RNASEH2B: variants seen among roughly 807,000 people sequenced by gnomAD.
The protein encoded by RNASEH2B is Aicardi-Goutieres syndrome 2 protein.
Under a neutral mutation model 45.0 loss-of-function variants are expected in RNASEH2B, and 36 were observed. The ratio of observed to expected loss-of-function variants is 0.80; its 90% CI spans 0.61 to 1.06. The LOEUF is 1.06. Ranked by LOEUF, RNASEH2B falls within the 50% of genes least tolerant of loss-of-function variation. The pLI is 0.00. For synonymous variants in RNASEH2B, 119 were observed against 125.7 expected (o/e 0.95, Z 0.35); for missense variants, 361 against 360.3 (o/e 1.00, Z -0.02).
At chr13:50,940,696 G>A (rs993410122) in intron 5 of RNASEH2B, 3 of 152,184 alleles carry the variant, frequency 2.0e-5, no homozygotes, top group Non-Finnish European at 2.9e-5. Flanking sequence ...TGGGCCTCCC[G>A]GTTAGTTTGT....
chr13:50,962,791 A>G (rs1438626928), intron 9 of RNASEH2B, among the ~76,000 whole-genome samples: 1 of 152,046 alleles, frequency 6.6e-6, no homozygotes, highest in Non-Finnish European at 1.5e-5. Flanking sequence ...GTTGACTATG[A>G]TGTGTTGATG....
At chr13:50,939,048 A>G (rs1401806149) in intron 5 of RNASEH2B, 1 of 152,250 alleles carries the variant, frequency 6.6e-6, no homozygotes, top group Non-Finnish European at 1.5e-5. Context: ...ATTTCTACAG[A>G]AAGTTTAAAA....
chr13:50,913,564 A>C (rs925062278), intron 1 of RNASEH2B, among the ~76,000 whole-genome samples: 1 of 152,176 alleles, frequency 6.6e-6, no homozygotes, highest in African/African-American at 2.4e-5. Context: ...GGCTGATTAA[A>C]ATATTCCTTA....
intron 5 of RNASEH2B, among the ~76,000 whole-genome samples, chr13:50,939,377 A>G (rs979829376): frequency 6.6e-6 from 1 of 152,042 alleles, no homozygotes; most frequent in Non-Finnish European, 1.5e-5. Context: ...AAAATTAGCC[A>G]GCTGTGGTGG....
intron 5 of RNASEH2B, chr13:50,936,286 CAA>C (rs1468349242): frequency 2.0e-5 from 3 of 152,106 alleles, no homozygotes; most frequent in Non-Finnish European, 2.9e-5. Flanking sequence ...AATATGGAAA[CAA>C]AGTGTGGGAA....
At chr13:50,910,171 G>T (rs1312258734) in intron 1 of RNASEH2B, 31 bp downstream of exon 1, 1 of 1,380,382 alleles carries the variant, frequency 7.2e-7, no homozygotes. Context: ...GGCGGGGTCG[G>T]CCCAAGAACT....
intron 6 of RNASEH2B, 95 bp from the exon 7 acceptor site, chr13:50,945,332 G>T (rs961446009): frequency 3.7e-6 from 3 of 815,486 alleles, no homozygotes; most frequent in Non-Finnish European, 6.5e-6. Context: ...CTTCTTTGCA[G>T]ATCTCTTAAA....
Position 50,930,663 on chromosome 13 carries a change from A to T in RNASEH2B, c.245-20A>T, listed in dbSNP as rs1335370320. On this transcript the variant is annotated intron_variant, in intron 3 of 10. Coordinates refer to ENST00000336617, the MANE Select transcript of RNASEH2B (RefSeq NM_024570.4). The stretch of plus-strand genomic sequence containing the variant: ...CTTTCCAAGACGTTTAATTCCCTTC[A>T]TCCTTTTTGTAATCTGCAGGAGGTC... The T allele has an allele frequency of 6.3e-7, 1 of 1,579,396 alleles. No homozygotes were observed. The highest frequency in any genetic ancestry group is 8.7e-7 in the Non-Finnish European group (1 of 1,148,586).
intron 9 of RNASEH2B, among the ~76,000 whole-genome samples, 167 bp downstream of exon 9, chr13:50,949,672 T>C (rs1009071314): frequency 1.3e-5 from 2 of 152,198 alleles, no homozygotes; most frequent in Non-Finnish European, 2.9e-5. Context: ...CACTATTTTT[T>C]ATTTTTGTGG....
intron 1 of RNASEH2B, among the ~76,000 whole-genome samples, chr13:50,924,889 G>A (rs1464076051): frequency 1.3e-5 from 2 of 152,040 alleles, no homozygotes; most frequent in Non-Finnish European, 2.9e-5. Context: ...TTATTGTGAT[G>A]TATAGTTTTA....
chr13:50,917,971 T>C (rs1339009942), intron 1 of RNASEH2B, among the ~76,000 whole-genome samples: 1 of 152,142 alleles, frequency 6.6e-6, no homozygotes, highest in Admixed American at 6.5e-5. Context: ...GTATGTTTGC[T>C]GGTCTTTGTG....
At chr13:50,934,687 C>T in intron 4 of RNASEH2B, 198 bp from the exon 5 acceptor site, 1 of 603,112 alleles carries the variant, frequency 1.7e-6, no homozygotes, top group Non-Finnish European at 3.0e-6. Context: ...GTGTGGGACT[C>T]CAGTGCTCAC....
rs553135818 is a variant in RNASEH2B, at chr13:50,944,770, C to A, written c.511-657C>A. 2.0e-5 allele frequency among the ~76,000 whole-genome samples: 3 copies of A among 152,188 alleles called. No individual in the cohort carries two copies. In the East Asian group the frequency reaches 5.8e-4, roughly 29 times the overall value. On this transcript the variant is annotated intron_variant, in intron 6 of 10. Transcript: ENST00000336617. ...CAAAGTAGTGGAAAGATTTAGAGTG[C>A]CATGTTTCATTTTTTATTTGTGATA... is the stretch of plus-strand genomic sequence containing the variant.
chr13:50,953,943 A>T lies in RNASEH2B; in HGVS notation c.780A>T (p.Glu260Asp). ...KLSDEPVEAK[E>D]DYTKFNTKDL... ...CAGATGAGCCTGTAGAAGCAAAAGA[A>T]GATTACACTAAGTTTAATACTAAAG... Residue 260 changes from glutamate to aspartate, a missense_variant, in exon 10 of 11, where the codon GAA becomes GAT. Glu to Asp is a conservative substitution (Grantham distance 45). Coordinates refer to ENST00000336617, the MANE Select transcript of RNASEH2B (RefSeq NM_024570.4). The T allele has an allele frequency of 6.2e-7, 1 of 1,608,816 alleles. No individual in the cohort carries two copies. The highest frequency in any genetic ancestry group is 2.2e-5 in the East Asian group (1 of 44,852).
chr13:50,910,060 C>A lies in RNASEH2B; in HGVS notation c.-17C>A. On this transcript the variant is annotated 5_prime_UTR_variant, in exon 1 of 11. Transcript: ENST00000336617. ...CCGCGGCGCTGAGCCTGCGGCGCCCCGGAAGAGGCGGGCGGCATGGCCGCT... is the reference window on the plus strand; with the variant it reads ...CCGCGGCGCTGAGCCTGCGGCGCCCAGGAAGAGGCGGGCGGCATGGCCGCT... 1 of 1,463,716 alleles carries A rather than the reference C, an allele frequency of 6.8e-7. No individual in the cohort carries two copies. The highest frequency in any genetic ancestry group is 1.3e-5 in the South Asian group (1 of 74,656). The allele number at this position is 1,463,716 out of a possible 1,614,324, so 90.7% of individuals were successfully genotyped here. A position where few individuals can be genotyped will look rare whatever the true frequency, so the allele number is the denominator to read the frequency against.
chr13:50,961,847 G>C (rs543466061), intron 9 of RNASEH2B, among the ~76,000 whole-genome samples: 29 of 152,150 alleles, frequency 1.9e-4, no homozygotes, highest in Middle Eastern at 3.4e-3. Flanking sequence ...CCTTTATCAG[G>C]CTGAGAAAGT....
Position 50,943,412 on chromosome 13 carries a change from T to C in RNASEH2B, c.510+18T>C, listed in dbSNP as rs765819204. The C allele has an allele frequency of 9.7e-6, 15 of 1,544,774 alleles. No homozygotes were observed. The highest frequency in any genetic ancestry group is 1.3e-5 in the Non-Finnish European group (15 of 1,116,910). On this transcript the variant is annotated intron_variant, in intron 6 of 10. Transcript: ENST00000336617. Reference sequence around the variant, plus strand: ...AAAAAAAGGTATAGTTCCTCTCTAGTGCCTTGTGGTAAAAGTAAAAATTCA... The same window carrying C: ...AAAAAAAGGTATAGTTCCTCTCTAGCGCCTTGTGGTAAAAGTAAAAATTCA...
intron 9 of RNASEH2B, among the ~76,000 whole-genome samples, chr13:50,969,532 A>AAAAG (rs1197875928): frequency 2.0e-5 from 3 of 151,822 alleles, no homozygotes; most frequent in Non-Finnish European, 4.4e-5. Flanking sequence ...CAAAAAAAAA[A>AAAAG]AAAAAAGAAA....
intron 1 of RNASEH2B, chr13:50,911,379 T>A (rs1879385512): frequency 6.6e-6 from 1 of 152,254 alleles, no homozygotes; most frequent in South Asian, 2.1e-4. Flanking sequence ...TGAGTATCCA[T>A]ACTATGTATC....
Sources: allele counts gnomAD v4.1 joint callset (sites outside exome capture counted in the v4.1 genomes callset), GRCh38; gene constraint gnomAD v4.1.1; transcripts MANE v1.5; gene names NCBI Gene and HGNC (gene_info 2026-07-23, HGNC 2026-07-21).